CNTN4: variants seen among roughly 807,000 people sequenced by gnomAD.
CNTN4 encodes contactin 4, also known as contactin-4.
A neutral mutation model predicts 122.5 loss-of-function variants in CNTN4; 77 were observed. The ratio of observed to expected loss-of-function variants is 0.63; its 90% CI spans 0.52 to 0.76. The LOEUF (loss-of-function observed/expected upper bound fraction) is 0.76. CNTN4 is among the 30% of genes least tolerant of loss of function. CNTN4 has a pLI of 0.00. For synonymous variants in CNTN4, 512 were observed against 447.0 expected (o/e 1.15, Z -1.83); for missense variants, 1,256 against 1,259.1 (o/e 1.00, Z 0.04).
chr3:2,300,568 T>C (rs1400270716), intron 2 of CNTN4, among the ~76,000 whole-genome samples: 1 of 128,254 alleles, frequency 7.8e-6, no homozygotes, highest in Non-Finnish European at 1.6e-5. Context: ...GTCTTTTTTT[T>C]TTTTTTTTTT....
rs1268891814 is a variant in CNTN4 at position 3,057,061 on chromosome 3, C to G, written c.*841C>G. The G allele has an allele frequency of 6.6e-6, 1 of 152,346 alleles. No individual in the cohort carries two copies. Among genetic ancestry groups the G allele is most frequent in the Non-Finnish European group, 1.5e-5 (1 of 67,994 alleles). 9.4% of individuals were successfully genotyped at this position (152,346 alleles called of 1,614,324 possible). ...CATATATCCTGTAGTAACATAGACC[C>G]AAAGTTACTATAGTCAACCAAGTCT... On this transcript the variant is annotated 3_prime_UTR_variant, in exon 25 of 25. Transcript: ENST00000418658.
intron 4 of CNTN4, among the ~76,000 whole-genome samples, chr3:2,680,207 C>G (rs763432261): frequency 1.3e-5 from 2 of 152,050 alleles, no homozygotes. Context: ...ATACATGAAC[C>G]CATCTCTGTG....
At chr3:2,905,966 C>CATTTGGTAT (rs2094226544) in intron 12 of CNTN4, among the ~76,000 whole-genome samples, 1 of 152,178 alleles carries the variant, frequency 6.6e-6, no homozygotes, top group Non-Finnish European at 1.5e-5. Flanking sequence ...GGGCAAACAA[C>CATTTGGTAT]ATTTGGTATA....
intron 4 of CNTN4, among the ~76,000 whole-genome samples, chr3:2,617,323 CA>C (rs2081798854): frequency 6.6e-6 from 1 of 150,748 alleles, no homozygotes; most frequent in Admixed American, 6.7e-5. Context: ...AAAAAGTGAG[CA>C]AAGGATATGA....
At chr3:2,833,757 A>C (rs1432468300) in intron 7 of CNTN4, among the ~76,000 whole-genome samples, 1 of 152,232 alleles carries the variant, frequency 6.6e-6, no homozygotes, top group African/African-American at 2.4e-5. Context: ...TTCCAATGAC[A>C]TAACTTTACT....
intron 3 of CNTN4, among the ~76,000 whole-genome samples, chr3:2,401,017 T>C (rs2046838136): frequency 6.6e-6 from 1 of 152,110 alleles, no homozygotes; most frequent in African/African-American, 2.4e-5. Flanking sequence ...AATCACTTCA[T>C]TTTAATTTTC....
At chr3:2,510,618 T>C (rs1295330237) in intron 3 of CNTN4, among the ~76,000 whole-genome samples, 1 of 152,180 alleles carries the variant, frequency 6.6e-6, no homozygotes, top group Non-Finnish European at 1.5e-5. Context: ...CCAGACTTGC[T>C]TAACTAAGGT....
intron 4 of CNTN4, among the ~76,000 whole-genome samples, chr3:2,677,593 TAC>T (rs1463110203): frequency 6.6e-6 from 1 of 152,014 alleles, no homozygotes; most frequent in Admixed American, 6.6e-5. Context: ...TGGAAAGTAA[TAC>T]AGTCTTCATA....
chr3:2,294,139 G>C (rs1375630990), intron 2 of CNTN4, among the ~76,000 whole-genome samples: 1 of 152,172 alleles, frequency 6.6e-6, no homozygotes, highest in Non-Finnish European at 1.5e-5. Flanking sequence ...GTCTCTGGAG[G>C]CCCAGCCTTA....
chr3:2,193,165 G>C (rs182871445), intron 2 of CNTN4, among the ~76,000 whole-genome samples: 1 of 152,214 alleles, frequency 6.6e-6, no homozygotes, highest in East Asian at 1.9e-4. Flanking sequence ...AGAAAACTTA[G>C]ACTTCAAGCT....
chr3:2,740,230 C>T (rs985675752), intron 5 of CNTN4, among the ~76,000 whole-genome samples: 1 of 152,072 alleles, frequency 6.6e-6, no homozygotes, highest in East Asian at 1.9e-4. Context: ...CATGGGGGTG[C>T]ACACCTGTAG....
At chr3:2,707,156 A>G (rs2086790442) in intron 4 of CNTN4, among the ~76,000 whole-genome samples, 1 of 151,954 alleles carries the variant, frequency 6.6e-6, no homozygotes. Flanking sequence ...ATACAAAAAA[A>G]TTAGACGGGC....
intron 3 of CNTN4, among the ~76,000 whole-genome samples, chr3:2,402,213 C>T (rs538322346): frequency 2.6e-5 from 4 of 152,156 alleles, no homozygotes; most frequent in Admixed American, 2.6e-4. Context: ...ATCATATCCC[C>T]AACATGCAGT....
chr3:2,702,870 G>A (rs9830471), intron 4 of CNTN4, among the ~76,000 whole-genome samples: 5,187 of 152,222 alleles, frequency 0.034, 222 homozygotes, highest in African/African-American at 0.097. Flanking sequence ...AGTTTGTTCC[G>A]TATACAGCAG....
chr3:2,971,515 A>T (rs908511717), intron 13 of CNTN4, among the ~76,000 whole-genome samples: 2 of 152,178 alleles, frequency 1.3e-5, no homozygotes, highest in Non-Finnish European at 2.9e-5. Flanking sequence ...TTTTCAAACT[A>T]TGCAAATCTT....
chr3:2,816,964 C>T (rs970352682), intron 6 of CNTN4, among the ~76,000 whole-genome samples: 11 of 151,710 alleles, frequency 7.3e-5, no homozygotes, highest in African/African-American at 2.7e-4. Flanking sequence ...AGTGTACAAA[C>T]TTTGACATAA....
chr3:2,119,194 T>C (rs1323060254), intron 2 of CNTN4, among the ~76,000 whole-genome samples: 2 of 152,212 alleles, frequency 1.3e-5, no homozygotes, highest in Non-Finnish European at 2.9e-5. Flanking sequence ...TGACATTAAC[T>C]CTTCATTGCT....
intron 13 of CNTN4, among the ~76,000 whole-genome samples, chr3:2,976,129 A>G (rs1207627902): frequency 6.6e-6 from 1 of 152,162 alleles, no homozygotes; most frequent in Non-Finnish European, 1.5e-5. Flanking sequence ...AAATCACAAA[A>G]TTTTACCAGC....
chr3:2,316,168 CA>C, intron 2 of CNTN4, among the ~76,000 whole-genome samples: 1 of 151,888 alleles, frequency 6.6e-6, no homozygotes, highest in Non-Finnish European at 1.5e-5. Flanking sequence ...GTGAAATGAA[CA>C]AATTAATAAA....
Sources: allele counts gnomAD v4.1 joint callset (sites outside exome capture counted in the v4.1 genomes callset), GRCh38; gene constraint gnomAD v4.1.1; transcripts MANE v1.5; gene names NCBI Gene and HGNC (gene_info 2026-07-23, HGNC 2026-07-21).